Variants in ADAMTS2 observed in about 807,000 individuals in gnomAD.
ADAMTS2 encodes A disintegrin and metalloproteinase with thrombospondin motifs 2.
A neutral mutation model predicts 123.0 loss-of-function variants in ADAMTS2; 50 were observed. The observed-to-expected ratio is 0.41, with a 90% CI of 0.32 to 0.51. ADAMTS2 has a LOEUF of 0.51. Among genes scored for constraint, ADAMTS2 ranks in the 20% least tolerant of loss-of-function variants. ADAMTS2 has a pLI of 0.35. For missense variants in ADAMTS2, 1,494 were observed against 1,705.2 expected, an observed-to-expected ratio of 0.88 and a Z score of 2.18; for synonymous variants, 678 against 695.4, an observed-to-expected ratio of 0.98 and a Z score of 0.39.
chr5:179,153,822 A>T (rs555862900), intron 8 of ADAMTS2, among the ~76,000 whole-genome samples, 199 bp from the exon 9 acceptor site: 1 of 152,234 alleles, frequency 6.6e-6, no homozygotes, highest in South Asian at 2.1e-4. Flanking sequence ...AGCGGACCCC[A>T]GGGTAGCCGC....
intron 2 of ADAMTS2, among the ~76,000 whole-genome samples, chr5:179,336,425 C>T (rs1201456568): frequency 2.0e-5 from 3 of 152,214 alleles, no homozygotes; most frequent in Admixed American, 6.5e-5. Context: ...TCCCGGGAGC[C>T]GTGACAAGCG....
chr5:179,309,073 C>T (rs1561721564), intron 2 of ADAMTS2, among the ~76,000 whole-genome samples: 3 of 152,354 alleles, frequency 2.0e-5, no homozygotes, highest in South Asian at 2.1e-4. Flanking sequence ...TCTGCAGCTG[C>T]GCCATCCACA....
chr5:179,138,023 T>G (rs1312508370), intron 11 of ADAMTS2, 79 bp from the exon 12 acceptor site: 2 of 1,473,712 alleles, frequency 1.4e-6, no homozygotes, highest in African/African-American at 1.4e-5. Flanking sequence ...GAGATCTTTT[T>G]AGGGGGGATC....
intron 17 of ADAMTS2, among the ~76,000 whole-genome samples, chr5:179,127,357 C>G (rs1185854265): frequency 6.6e-6 from 1 of 152,146 alleles, no homozygotes; most frequent in Non-Finnish European, 1.5e-5. Flanking sequence ...TCCTTGTCCT[C>G]CAGGTGTGGG....
chr5:179,132,450 G>T lies in ADAMTS2; in HGVS notation c.2210-140C>A. 2.2e-6 allele frequency: 2 copies of T among 920,348 alleles called. No homozygotes were observed. The highest frequency in any genetic ancestry group is 3.4e-6 in the Non-Finnish European group (2 of 586,346). The allele number at this position is 920,348 out of a possible 1,614,324, so 57.0% of individuals were successfully genotyped here. A position where few individuals can be genotyped will look rare whatever the true frequency, so the allele number is the denominator to read the frequency against. ...GACCCTGGTATTTCTCTGGCTTTGAGGACCCACCTGAGAGGGGCCACCAGG... is the reference window on the plus strand; with the variant it reads ...GACCCTGGTATTTCTCTGGCTTTGATGACCCACCTGAGAGGGGCCACCAGG... On this transcript the variant is annotated intron_variant, in intron 14 of 21. Transcript: ENST00000251582. The surrounding 1 kb of genome is among the most constrained non-coding windows in gnomAD (Gnocchi z 6.1).
At chr5:179,271,641 T>C (rs1561665434) in intron 3 of ADAMTS2, among the ~76,000 whole-genome samples, 1 of 152,208 alleles carries the variant, frequency 6.6e-6, no homozygotes, top group Non-Finnish European at 1.5e-5. Flanking sequence ...CAGTACCCAG[T>C]GGCCCGGCTG....
At position 179,278,247 on chromosome 5, in the gene ADAMTS2, C is replaced by T. The variant is rs555049543; in HGVS notation, c.535-5183G>A. Reference sequence around the variant, plus strand: ...CCGCTGGCCAGAATAATGCTCGGGGCGGGGGGCACTTCACGGAAGAAGTGG... The same window carrying T: ...CCGCTGGCCAGAATAATGCTCGGGGTGGGGGGCACTTCACGGAAGAAGTGG... On this transcript the variant is annotated intron_variant, in intron 2 of 21. Transcript: ENST00000251582. Among the ~76,000 whole-genome samples the T allele has an allele frequency of 3.7e-4, 55 of 148,608 alleles. No homozygotes were observed. The South Asian group carries it at 3.8e-3, about 10-fold the overall frequency.
chr5:179,269,822 G>A (rs1309249730), intron 3 of ADAMTS2, among the ~76,000 whole-genome samples: 1 of 152,196 alleles, frequency 6.6e-6, no homozygotes, highest in Non-Finnish European at 1.5e-5. Flanking sequence ...GCAGAGAACA[G>A]GGATTGGAGA....
chr5:179,114,200 G>T lies in ADAMTS2; in HGVS notation c.3303C>A (p.Asn1101Lys). The T allele has an allele frequency of 6.2e-7, 1 of 1,611,994 alleles. No individual in the cohort carries two copies. Among genetic ancestry groups the T allele is most frequent in the Non-Finnish European group, 8.5e-7 (1 of 1,178,222 alleles). The change falls in exon 22 of 22, where the codon AAC (asparagine) becomes AAA (lysine). Residue 1101 changes from asparagine to lysine, a missense_variant. Coordinates refer to ENST00000251582, the MANE Select transcript of ADAMTS2 (RefSeq NM_014244.5). ...GCGGTGGCTCTATCCTGCCCTCCAC[G>T]TTGGTGAGGTTGTTGTACAGGTTAC... is the stretch of plus-strand genomic sequence containing the variant. The part of the protein sequence containing the change: ...KSCNLYNNLT[N>K]VEGRIEPPPG...
intron 9 of ADAMTS2, among the ~76,000 whole-genome samples, 161 bp from the exon 10 acceptor site, chr5:179,152,416 C>T (rs542653447): frequency 1.8e-3 from 278 of 152,304 alleles, no homozygotes; most frequent in African/African-American, 6.4e-3. Flanking sequence ...TGGTGAAGAC[C>T]TTGCCCATAC....
At chr5:179,164,204 G>A (rs1026120599) in intron 5 of ADAMTS2, among the ~76,000 whole-genome samples, 16 of 152,190 alleles carry the variant, frequency 1.1e-4, no homozygotes, top group Admixed American at 4.6e-4. Context: ...TATCTCTGAC[G>A]GGCACAGAGG....
rs1358459663 is a variant in ADAMTS2 at position 179,308,173 on chromosome 5, T to A, written c.535-35109A>T. On this transcript the variant is annotated intron_variant, in intron 2 of 21. Coordinates refer to ENST00000251582, the MANE Select transcript of ADAMTS2 (RefSeq NM_014244.5). This position sits in a 1 kb window ranked among gnomAD's most constrained non-coding sequence, Gnocchi z 6.6. ...AGAAAACAGGGGTTTAAGTGGAGGA[T>A]CCGGTGCTCTGATTTCTCCCCAGTT... Among the ~76,000 whole-genome samples the A allele has an allele frequency of 2.0e-5, 3 of 152,166 alleles. No individual in the cohort carries two copies. Among genetic ancestry groups the A allele is most frequent in the African/African-American group, 4.8e-5 (2 of 41,432 alleles).
chr5:179,132,876 C>G lies in ADAMTS2; in HGVS notation c.2110G>C (p.Gly704Arg), dbSNP rs149708395. Residue 704 changes from glycine to arginine, a missense_variant, in exon 14 of 22, where the codon GGC becomes CGC. Physicochemically the swap from Gly to Arg is moderately radical, Grantham distance 125 (BLOSUM62 -2). This residue lies in a region of ADAMTS2 where 953 missense variants were observed against 1,124.7 expected (regional missense o/e 0.85). Coordinates refer to ENST00000251582, the MANE Select transcript of ADAMTS2 (RefSeq NM_014244.5). This position sits in a 1 kb window ranked among gnomAD's most constrained non-coding sequence, Gnocchi z 6.1. ...CACTTGTCTTCCTGCTTGCTGGAGC[C>G]GATCACACCGTCACAGCCCACCTTC... ...CRKVGCDGVI[G>R]SSKQEDKCGV... 6.2e-7 allele frequency: 1 copy of G among 1,613,928 alleles called. No homozygotes were observed. The highest frequency in any genetic ancestry group is 8.5e-7 in the Non-Finnish European group (1 of 1,179,972).
At chr5:179,165,637 G>A (rs1398244536) in intron 5 of ADAMTS2, among the ~76,000 whole-genome samples, 1 of 152,170 alleles carries the variant, frequency 6.6e-6, no homozygotes, top group African/African-American at 2.4e-5. Flanking sequence ...CGGGCACCCA[G>A]CCTCCAGAGC....
In ADAMTS2 at chr5:179,262,709, G is replaced by A. The variant is rs1421437590; in HGVS notation, c.688+10202C>T. 3.3e-5 allele frequency among the ~76,000 whole-genome samples: 5 copies of A among 152,080 alleles called. No homozygotes were observed. The highest frequency in any genetic ancestry group is 4.8e-5 in the African/African-American group (2 of 41,402). Reference sequence around the variant, plus strand: ...CTCCCTCCCTTACCTGCCTTCTCACGCTGCCCTTTCACCCCGTTTTACTTT... The same window carrying A: ...CTCCCTCCCTTACCTGCCTTCTCACACTGCCCTTTCACCCCGTTTTACTTT... On this transcript the variant is annotated intron_variant, in intron 3 of 21. Coordinates refer to ENST00000251582, the MANE Select transcript of ADAMTS2 (RefSeq NM_014244.5). This position sits in a 1 kb window ranked among gnomAD's most constrained non-coding sequence, Gnocchi z 5.9.
Position 179,232,849 on chromosome 5 carries a change from T to C in ADAMTS2, c.689-25134A>G, listed in dbSNP as rs540740484. On this transcript the variant is annotated intron_variant, in intron 3 of 21. Coordinates refer to ENST00000251582, the MANE Select transcript of ADAMTS2 (RefSeq NM_014244.5). ...TGTATACATTCTTCTTCTGTTTCTTTGGTTAAAGTTTCAAGATTCTCTTAG... is the reference window on the plus strand; with the variant it reads ...TGTATACATTCTTCTTCTGTTTCTTCGGTTAAAGTTTCAAGATTCTCTTAG... 2.5e-3 allele frequency among the ~76,000 whole-genome samples: 374 copies of C among 152,270 alleles called. 3 individuals are homozygous for C. The highest frequency in any genetic ancestry group is 8.5e-3 in the African/African-American group (355 of 41,542).
rs462925 is a variant in ADAMTS2, at chr5:179,307,091, C to T, written c.535-34027G>A. 0.99 allele frequency among the ~76,000 whole-genome samples: 151,029 copies of T among 152,184 alleles called. 74,949 individuals are homozygous for T. The highest frequency in any genetic ancestry group is 1 in the East Asian group (5,142 of 5,142). On this transcript the variant is annotated intron_variant, in intron 2 of 21. Transcript: ENST00000251582. The surrounding 1 kb of genome is among the most constrained non-coding windows in gnomAD (Gnocchi z 5.6). Reference sequence around the variant, plus strand: ...TAGAGGGGCAGCCGAGTAAGAAGAACCTCTCGGGGAAGTCAGTGGCCAGCC... The same window carrying T: ...TAGAGGGGCAGCCGAGTAAGAAGAATCTCTCGGGGAAGTCAGTGGCCAGCC...
At chr5:179,198,005 A>G (rs558534128) in intron 4 of ADAMTS2, among the ~76,000 whole-genome samples, 1 of 152,298 alleles carries the variant, frequency 6.6e-6, no homozygotes, top group East Asian at 1.9e-4. Flanking sequence ...TGTGAGAAAT[A>G]CCAAAGCCCC....
rs1472784607 is a variant in ADAMTS2, at chr5:179,285,566, A to G, written c.535-12502T>C. On this transcript the variant is annotated intron_variant, in intron 2 of 21. Transcript: ENST00000251582. The surrounding 1 kb of genome is among the most constrained non-coding windows in gnomAD (Gnocchi z 4.9). Reference sequence around the variant, plus strand: ...CCAGCCAGACCCAGCCAGGACACAGAGGTCAGTGGGTCAGACCCAGACTCT... The same window carrying G: ...CCAGCCAGACCCAGCCAGGACACAGGGGTCAGTGGGTCAGACCCAGACTCT... 6.6e-6 allele frequency among the ~76,000 whole-genome samples: 1 copy of G among 152,210 alleles called. No homozygotes were observed. Among genetic ancestry groups the G allele is most frequent in the Non-Finnish European group, 1.5e-5 (1 of 68,034 alleles).
Sources: gnomAD v4.1 joint callset for allele counts (sites outside exome capture counted in the v4.1 genomes callset) on GRCh38, gnomAD v4.1.1 for gene constraint, gnomAD v4.1.1 regional missense constraint, Gnocchi (gnomAD v3.1) non-coding constraint, MANE v1.5 for transcripts, NCBI Gene and HGNC (gene_info 2026-07-23, HGNC 2026-07-21) for gene names.